Variants in NRG4 observed in about 807,000 individuals in gnomAD.
The protein encoded by NRG4 is neuregulin 4, also known as pro-neuregulin-4, membrane-bound isoform.
A neutral mutation model predicts 15.0 loss-of-function variants in NRG4; 10 were observed. The ratio of observed to expected loss-of-function variants is 0.67; its 90% confidence interval spans 0.41 to 1.13. NRG4 has a LOEUF of 1.13. Ranked by LOEUF, NRG4 falls within the 50% of genes most tolerant of loss-of-function variation. NRG4 has a pLI of 0.00. For missense variants in NRG4, 139 were observed against 140.2 expected (o/e 0.99, Z 0.04); for synonymous variants, 41 against 50.1 (o/e 0.82, Z 0.77).
At chr15:75,987,638 T>C (rs187116435) in intron 3 of NRG4, among the ~76,000 whole-genome samples, 1 of 152,262 alleles carries the variant, frequency 6.6e-6, no homozygotes, top group African/African-American at 2.4e-5. Flanking sequence ...ACCAACTGAA[T>C]CAGCTAGCAC....
intron 3 of NRG4, among the ~76,000 whole-genome samples, chr15:76,003,390 A>G (rs334940): frequency 0.049 from 7,415 of 152,192 alleles, 348 homozygotes; most frequent in African/African-American, 0.13. Context: ...CTGTTGAGTC[A>G]TCTACCAGAA....
At chr15:75,961,458 C>T (rs1250546450) in intron 4 of NRG4, among the ~76,000 whole-genome samples, 1 of 152,108 alleles carries the variant, frequency 6.6e-6, no homozygotes, top group Non-Finnish European at 1.5e-5. Flanking sequence ...GCATATTAAC[C>T]ATATGTCTTA....
intron 2 of NRG4, among the ~76,000 whole-genome samples, chr15:76,054,277 G>A (rs574363467): frequency 1.3e-5 from 2 of 150,766 alleles, no homozygotes; most frequent in Admixed American, 6.6e-5. Context: ...TTTTGGTGGA[G>A]AAGGGGTTTC....
At chr15:75,956,730 A>G (rs2032261480) in intron 4 of NRG4, among the ~76,000 whole-genome samples, 1 of 152,168 alleles carries the variant, frequency 6.6e-6, no homozygotes, top group African/African-American at 2.4e-5. Context: ...ACCTCCTTCA[A>G]TGATGGCACT....
chr15:76,013,776 T>C (rs1046288001), upstream of NRG4, among the ~76,000 whole-genome samples: 1 of 152,210 alleles, frequency 6.6e-6, no homozygotes, highest in Non-Finnish European at 1.5e-5. Context: ...AAGTCTTTGC[T>C]ATTGTGAACA....
Position 75,943,417 on chromosome 15 carries a change from T to A in NRG4, c.*221A>T. 4.0e-6 allele frequency: 2 copies of A among 501,222 alleles called. No individual in the cohort carries two copies. Among genetic ancestry groups the A allele is most frequent in the South Asian group, 6.4e-5 (2 of 31,234 alleles). 31.0% of individuals were successfully genotyped at this position (501,222 alleles called of 1,614,324 possible). A position where few individuals can be genotyped will look rare whatever the true frequency, so the allele number is the denominator to read the frequency against. On this transcript the variant is annotated 3_prime_UTR_variant, in exon 6 of 6. Coordinates refer to ENST00000394907, the MANE Select transcript of NRG4 (RefSeq NM_138573.4). Reference sequence around the variant, plus strand: ...ATGTTGAACCAATGTGACTTCGAATTATACTGGTATCACCCCCTACTTAGC... The same window carrying A: ...ATGTTGAACCAATGTGACTTCGAATAATACTGGTATCACCCCCTACTTAGC...
chr15:76,033,972 A>G (rs1275304223), intron 5 of NRG4, among the ~76,000 whole-genome samples: 2 of 152,238 alleles, frequency 1.3e-5, no homozygotes, highest in African/African-American at 4.8e-5. Flanking sequence ...GATAACCAAT[A>G]GTGTCTGTCA....
chr15:75,948,587 C>T (rs1359233601), intron 5 of NRG4, among the ~76,000 whole-genome samples: 2 of 16,864 alleles, frequency 1.2e-4, no homozygotes, highest in Non-Finnish European at 6.2e-4. Context: ...GCATGAGTCA[C>T]TGCGCCGCCC....
chr15:75,938,731 A>G (rs1246168203), downstream of NRG4: 2 of 152,210 alleles, frequency 1.3e-5, no homozygotes, highest in Non-Finnish European at 2.9e-5. Context: ...TCAAGCCTAC[A>G]TAGTTTTAAA....
chr15:76,022,976 A>G (rs1369842057), intron 5 of NRG4, among the ~76,000 whole-genome samples: 1 of 152,184 alleles, frequency 6.6e-6, no homozygotes, highest in Non-Finnish European at 1.5e-5. Context: ...CACCCACAGT[A>G]TAGCTGAGCA....
exon 5 of NRG4, chr15:76,035,970 G>T (rs182726762): frequency 6.6e-6 from 1 of 152,140 alleles, no homozygotes; most frequent in Non-Finnish European, 1.5e-5. Flanking sequence ...TATAATTTGG[G>T]TTTCCCATCT....
upstream of NRG4, among the ~76,000 whole-genome samples, chr15:76,013,337 A>AC (rs1181140552): frequency 6.6e-5 from 10 of 152,152 alleles, no homozygotes; most frequent in African/African-American, 2.2e-4. Context: ...AAAAAAAAAA[A>AC]AATGTTCATT....
intron 3 of NRG4, among the ~76,000 whole-genome samples, chr15:75,991,944 ACCTT>A (rs2034032719): frequency 6.6e-6 from 1 of 151,730 alleles, no homozygotes; most frequent in African/African-American, 2.4e-5. Context: ...TATTTTCTGA[ACCTT>A]CCTTTTCTTG....
At chr15:75,973,243 G>A (rs185282695) in intron 3 of NRG4, among the ~76,000 whole-genome samples, 3 of 152,200 alleles carry the variant, frequency 2.0e-5, no homozygotes, top group African/African-American at 2.4e-5. Context: ...CGTTGCTGAA[G>A]TTGTTTTTCA....
At chr15:75,978,670 A>G (rs1290593933) in intron 3 of NRG4, among the ~76,000 whole-genome samples, 5 of 152,078 alleles carry the variant, frequency 3.3e-5, no homozygotes, top group African/African-American at 1.2e-4. Flanking sequence ...GTGTACTACC[A>G]TTCCCCTTTC....
chr15:76,001,085 A>C (rs2034395640), intron 3 of NRG4, among the ~76,000 whole-genome samples: 1 of 152,112 alleles, frequency 6.6e-6, no homozygotes, highest in Non-Finnish European at 1.5e-5. Flanking sequence ...TCCTGGACTC[A>C]AGCAATCCTC....
At chr15:75,940,845 C>G (rs1168278442), downstream of NRG4, 3 of 152,010 alleles carry the variant, frequency 2.0e-5, no homozygotes, top group Admixed American at 6.6e-5. Flanking sequence ...GACCAAAGAC[C>G]TAAATGTGAG....
At chr15:76,022,943 A>G (rs1481645314) in intron 5 of NRG4, among the ~76,000 whole-genome samples, 1 of 152,108 alleles carries the variant, frequency 6.6e-6, no homozygotes, top group Non-Finnish European at 1.5e-5. Flanking sequence ...GAGAAAGATA[A>G]TTAAAGACAT....
intron 5 of NRG4, among the ~76,000 whole-genome samples, chr15:76,034,485 T>C (rs2035554047): frequency 1.3e-5 from 2 of 152,174 alleles, no homozygotes; most frequent in African/African-American, 4.8e-5. Context: ...CAGACACCCT[T>C]CCCAGGGGCT....
Sources: gnomAD v4.1 joint callset for allele counts (sites outside exome capture counted in the v4.1 genomes callset) on GRCh38, gnomAD v4.1.1 for gene constraint, MANE v1.5 for transcripts, NCBI Gene and HGNC (gene_info 2026-07-23, HGNC 2026-07-21) for gene names.